SCAMP1: variants seen among roughly 807,000 people sequenced by gnomAD.
SCAMP1 encodes secretory carrier membrane protein 1.
SCAMP1 carries 15 observed loss-of-function variants against 41.8 expected under a neutral mutation model. That is an observed-to-expected ratio of 0.36 (90% CI 0.24 to 0.55). The LOEUF (loss-of-function observed/expected upper bound fraction) is 0.55. Among genes scored for constraint, SCAMP1 ranks in the 20% least tolerant of loss-of-function variants. The pLI is 0.86. For synonymous variants in SCAMP1, 135 were observed against 136.8 expected (o/e 0.99, Z 0.09); for missense variants, 341 against 412.6 (o/e 0.83, Z 1.50).
At chr5:78,422,020 T>C (rs1262467599) in intron 6 of SCAMP1, 60 bp downstream of exon 6, 1 of 1,399,052 alleles carries the variant, frequency 7.1e-7, no homozygotes, top group African/African-American at 1.4e-5. Flanking sequence ...TAATTCGTAG[T>C]ATACATTAAA....
chr5:78,417,279 C>G (rs1305257481), intron 4 of SCAMP1, among the ~76,000 whole-genome samples: 1 of 152,138 alleles, frequency 6.6e-6, no homozygotes, highest in Non-Finnish European at 1.5e-5. Flanking sequence ...CAATGCAAAG[C>G]TAGAACAATA....
At chr5:78,437,469 A>G (rs964623218) in intron 6 of SCAMP1, among the ~76,000 whole-genome samples, 4 of 152,250 alleles carry the variant, frequency 2.6e-5, no homozygotes, top group African/African-American at 4.8e-5. Context: ...TATTGAGATA[A>G]TCATGTGGTT....
At chr5:78,448,719 G>T (rs1191220626) in intron 6 of SCAMP1, among the ~76,000 whole-genome samples, 1 of 152,192 alleles carries the variant, frequency 6.6e-6, no homozygotes, top group Non-Finnish European at 1.5e-5. Flanking sequence ...AGAACAACCA[G>T]GCTGGGCACA....
At chr5:78,412,866 T>C (rs1275820901) in intron 2 of SCAMP1, among the ~76,000 whole-genome samples, 1 of 152,224 alleles carries the variant, frequency 6.6e-6, no homozygotes, top group African/African-American at 2.4e-5. Flanking sequence ...TAAATTTCAG[T>C]GTAATTAAAT....
At chr5:78,391,226 C>T (rs1390465529) in intron 2 of SCAMP1, among the ~76,000 whole-genome samples, 2 of 149,142 alleles carry the variant, frequency 1.3e-5, no homozygotes, top group Non-Finnish European at 3.0e-5. Flanking sequence ...CCAGTAGGGG[C>T]GGCCGGGCAG....
chr5:78,405,495 C>G (rs61077062), intron 2 of SCAMP1, among the ~76,000 whole-genome samples: 42,891 of 152,022 alleles, frequency 0.28, 6,370 homozygotes, highest in East Asian at 0.53. Context: ...ATATTGACTT[C>G]CCCAATCACC....
intron 2 of SCAMP1, among the ~76,000 whole-genome samples, chr5:78,408,951 C>T (rs1238905302): frequency 4.6e-5 from 7 of 152,084 alleles, no homozygotes; most frequent in Non-Finnish European, 1.0e-4. Flanking sequence ...CTTTTTTCCT[C>T]CCTTCTACAT....
rs143309222 is a variant in SCAMP1, at chr5:78,382,395, A to C, written c.58-6442A>C. Among the ~76,000 whole-genome samples, 64 of 152,316 alleles carry C rather than the reference A, an allele frequency of 4.2e-4. 1 individual carries two copies. The highest frequency in any genetic ancestry group is 1.5e-3 in the African/African-American group (62 of 41,562). On this transcript the variant is annotated intron_variant, in intron 1 of 8. Transcript: ENST00000621999. ...GTATATACTTTATACACACACATAC[A>C]TATACTACAATTTTGTGATTCAGGT...
At chr5:78,449,041 G>C (rs1753151161) in intron 6 of SCAMP1, among the ~76,000 whole-genome samples, 1 of 151,416 alleles carries the variant, frequency 6.6e-6, no homozygotes, top group African/African-American at 2.4e-5. Flanking sequence ...AGAACAACCT[G>C]TTTGTAAAAC....
chr5:78,368,456 A>C (rs2112043349), intron 1 of SCAMP1, among the ~76,000 whole-genome samples: 1 of 152,352 alleles, frequency 6.6e-6, no homozygotes, highest in African/African-American at 2.4e-5. Flanking sequence ...TAATAGTGAT[A>C]AATGCAGATC....
At chr5:78,397,104 A>G (rs953759587) in intron 2 of SCAMP1, among the ~76,000 whole-genome samples, 1 of 152,220 alleles carries the variant, frequency 6.6e-6, no homozygotes, top group African/African-American at 2.4e-5. Context: ...TGTTATAGTT[A>G]CAGTAATCAA....
At chr5:78,453,105 G>C (rs959281870) in intron 7 of SCAMP1, among the ~76,000 whole-genome samples, 2 of 150,382 alleles carry the variant, frequency 1.3e-5, no homozygotes, top group African/African-American at 5.0e-5. Flanking sequence ...AGACGAGTAG[G>C]TTGCGAAAAT....
At chr5:78,421,015 A>G (rs189226327) in intron 5 of SCAMP1, among the ~76,000 whole-genome samples, 1 of 152,334 alleles carries the variant, frequency 6.6e-6, no homozygotes, top group Admixed American at 6.5e-5. Context: ...ATAAATTTTT[A>G]AAAAATCCTT....
At chr5:78,459,885 C>T (rs566949303) in intron 8 of SCAMP1, among the ~76,000 whole-genome samples, 5 of 151,918 alleles carry the variant, frequency 3.3e-5, no homozygotes, top group Admixed American at 2.6e-4. Context: ...ACATAGTACC[C>T]GATAGTTTTT....
At chr5:78,475,460 G>A (rs1348571223) in intron 8 of SCAMP1, 44 bp from the exon 9 acceptor site, 18 of 1,436,454 alleles carry the variant, frequency 1.3e-5, no homozygotes, top group Middle Eastern at 2.1e-4. Context: ...AAATGAATGC[G>A]TAGGTTGCTA....
At chr5:78,424,284 G>A (rs556288204) in intron 6 of SCAMP1, among the ~76,000 whole-genome samples, 5 of 152,146 alleles carry the variant, frequency 3.3e-5, no homozygotes, top group Non-Finnish European at 7.4e-5. Context: ...ATATTTACAG[G>A]ACTTTGTTCT....
At chr5:78,468,210 C>T (rs747789628) in intron 8 of SCAMP1, among the ~76,000 whole-genome samples, 67 of 152,124 alleles carry the variant, frequency 4.4e-4, no homozygotes, top group Non-Finnish European at 1.2e-4. Context: ...TTTTATACTC[C>T]ACATTTCAAA....
At chr5:78,382,779 G>A (rs916003137) in intron 1 of SCAMP1, among the ~76,000 whole-genome samples, 2 of 39,996 alleles carry the variant, frequency 5.0e-5, no homozygotes, top group African/African-American at 2.7e-4. Context: ...ATTCCATGGT[G>A]TGTGTGTGTG....
intron 6 of SCAMP1, among the ~76,000 whole-genome samples, chr5:78,435,996 A>C (rs749163164): frequency 1.3e-5 from 2 of 152,086 alleles, no homozygotes; most frequent in Non-Finnish European, 2.9e-5. Flanking sequence ...GCATTTTTTC[A>C]TGTATCTTTT....
Sources: allele counts gnomAD v4.1 joint callset (sites outside exome capture counted in the v4.1 genomes callset), GRCh38; gene constraint gnomAD v4.1.1; transcripts MANE v1.5; gene names NCBI Gene and HGNC (gene_info 2026-07-23, HGNC 2026-07-21).